Variants in HAS3 observed in about 807,000 individuals in gnomAD.
HAS3 encodes the protein hyaluronan synthase 3.
Under a neutral mutation model 50.3 loss-of-function variants are expected in HAS3, and 27 were observed. That is an observed-to-expected ratio of 0.54 (90% confidence interval 0.40 to 0.74). HAS3 has a LOEUF of 0.74. Among genes scored for constraint, HAS3 ranks in the 30% least tolerant of loss-of-function variants. The pLI is 0.00. For synonymous variants in HAS3, 339 were observed against 310.9 expected (o/e 1.09, Z -0.95); for missense variants, 517 against 742.8 (o/e 0.70, Z 3.53).
chr16:69,096,534 CAAAAAAAAAA>C, the HAS3 span, among the ~76,000 whole-genome samples: 91 of 35,340 alleles, frequency 2.6e-3, no homozygotes, highest in African/African-American at 5.6e-3. Flanking sequence ...GACTCTGTCT[CAAAAAAAAAA>C]AAAAAAAAAA....
chr16:69,109,999 A>G lies in HAS3; in HGVS notation c.604A>G (p.Lys202Glu). Residue 202 changes from lysine to glutamate, a missense_variant, in exon 2 of 4, where the codon AAG (lysine) becomes GAG (glutamate). Lys to Glu is a moderately conservative substitution (Grantham distance 56, BLOSUM62 1). Transcript: ENST00000569188. The surrounding 1 kb of genome is among the most constrained non-coding windows in gnomAD (Gnocchi z 5.3). ...GKREVMYTAF[K>E]ALGDSVDYIQ... is the part of the protein sequence containing the mutation. ...GCGCGAGGTCATGTACACGGCCTTCAAGGCCCTCGGCGATTCGGTGGACTA... is the reference window on the plus strand; with the variant it reads ...GCGCGAGGTCATGTACACGGCCTTCGAGGCCCTCGGCGATTCGGTGGACTA... The G allele has an allele frequency of 2.5e-6, 4 of 1,611,122 alleles. 1 individual carries two copies. Among genetic ancestry groups the G allele is most frequent in the Non-Finnish European group, 3.4e-6 (4 of 1,177,724 alleles).
At chr16:69,103,443 T>C (rs941119233), upstream of HAS3, among the ~76,000 whole-genome samples, 18 of 152,176 alleles carry the variant, frequency 1.2e-4, no homozygotes, top group Admixed American at 9.8e-4. Flanking sequence ...TTGCCTAGGC[T>C]GGAATGCAGT....
intron 2 of HAS3, among the ~76,000 whole-genome samples, chr16:69,111,552 T>A (rs1333128424): frequency 6.6e-6 from 1 of 152,226 alleles, no homozygotes; most frequent in Non-Finnish European, 1.5e-5. Flanking sequence ...AGTCCCCTAA[T>A]ACGATTTTTC....
At chr16:69,103,459 G>A (rs1442862786), upstream of HAS3, among the ~76,000 whole-genome samples, 2 of 152,106 alleles carry the variant, frequency 1.3e-5, no homozygotes, top group African/African-American at 2.4e-5. Flanking sequence ...GCAGTGGCAC[G>A]ATCTCGGCTC....
chr16:69,110,921 TGA>T (rs752033206), intron 2 of HAS3, among the ~76,000 whole-genome samples: 2 of 152,062 alleles, frequency 1.3e-5, no homozygotes, highest in African/African-American at 2.4e-5. Flanking sequence ...GTCTGGGCGG[TGA>T]GAGACACAGG....
At chr16:69,087,642 C>T in the HAS3 span, among the ~76,000 whole-genome samples, 2 of 150,760 alleles carry the variant, frequency 1.3e-5, no homozygotes, top group Non-Finnish European at 2.9e-5. Flanking sequence ...TCATGATCCA[C>T]CTGCCTTGGC....
chr16:69,109,588 C>G lies in HAS3; in HGVS notation c.193C>G (p.Leu65Val), dbSNP rs1960923690. 1.2e-6 allele frequency: 2 copies of G among 1,613,226 alleles called. No individual in the cohort carries two copies. The highest frequency in any genetic ancestry group is 1.7e-6 in the Non-Finnish European group (2 of 1,180,000). The change falls in exon 2 of 4, where the codon CTG becomes GTG. Residue 65 changes from leucine (L) to valine (V), a missense_variant. By Grantham distance (32) the Leu-to-Val change is conservative. Transcript: ENST00000569188. The surrounding 1 kb of genome is among the most constrained non-coding windows in gnomAD (Gnocchi z 5.3). The part of the protein sequence containing the change: ...HLLIQSLFAF[L>V]EHRRMRRAGQ... ...GCTCATTCAGAGCCTTTTTGCCTTC[C>G]TGGAGCACCGGCGCATGCGACGTGC...
At chr16:69,118,552 CAAGAAACTAGT>C (rs984374134), downstream of HAS3, 1 of 821,968 alleles carries the variant, frequency 1.2e-6, no homozygotes. Flanking sequence ...AAGAACAATT[CAAGAAACTAGT>C]AAGAAACAAT....
rs745317118 is a variant in HAS3 at position 69,109,488 on chromosome 16, G to A, written c.93G>A (p.Thr31=). 9.6e-5 allele frequency: 155 copies of A among 1,613,782 alleles called. 1 individual carries two copies. The South Asian group carries it at 1.4e-3, about 15-fold the overall frequency. ...VLGGILAAYV[T]GYQFIHTEKH... ...GTGGCATCCTGGCAGCCTATGTGAC[G>A]GGCTACCAGTTCATCCACACGGAAA... The change falls in exon 2 of 4, where the codon ACG becomes ACA. Residue 31 remains threonine (T), a synonymous_variant. Transcript: ENST00000569188. The surrounding 1 kb of genome is among the most constrained non-coding windows in gnomAD (Gnocchi z 5.3).
upstream of HAS3, among the ~76,000 whole-genome samples, chr16:69,104,399 C>T (rs760234885): frequency 7.3e-5 from 11 of 151,688 alleles, no homozygotes; most frequent in Non-Finnish European, 1.5e-4. Context: ...TGGGTTTAAG[C>T]GATTCTTCTG....
At chr16:69,085,366 C>T in the HAS3 span, among the ~76,000 whole-genome samples, 479 of 152,214 alleles carry the variant, frequency 3.1e-3, 4 homozygotes, top group African/African-American at 0.011. Context: ...CATCCTAGTA[C>T]CTTTATCTCT....
Position 69,116,328 on chromosome 16 carries a change from G to A in HAS3, c.*1062G>A, listed in dbSNP as rs898392878. 2.4e-5 allele frequency: 24 copies of A among 985,742 alleles called. No individual in the cohort carries two copies. Among genetic ancestry groups the A allele is most frequent in the African/African-American group, 1.4e-4 (8 of 57,250 alleles). The allele number at this position is 985,742 out of a possible 1,614,324, so 61.1% of individuals were successfully genotyped here. The stretch of plus-strand genomic sequence containing the variant: ...ATAGAAGCTTCAGCAGGAGGCAAGC[G>A]TGTTCTCAGCACATATGGGAACTAT... On this transcript the variant is annotated 3_prime_UTR_variant, in exon 4 of 4. Coordinates refer to ENST00000569188, the MANE Select transcript of HAS3 (RefSeq NM_001199280.2).
At chr16:69,086,618 A>G in the HAS3 span, among the ~76,000 whole-genome samples, 2 of 151,874 alleles carry the variant, frequency 1.3e-5, no homozygotes, top group Admixed American at 1.3e-4. Flanking sequence ...TAAAAGCACA[A>G]AAACGGCCGG....
chr16:69,101,957 T>G (rs530334243), upstream of HAS3, among the ~76,000 whole-genome samples: 1 of 152,258 alleles, frequency 6.6e-6, no homozygotes, highest in African/African-American at 2.4e-5. Flanking sequence ...GCTAATTTTT[T>G]GTATCTTTAG....
At chr16:69,084,112 G>GC in the HAS3 span, 1 of 153,182 alleles carries the variant, frequency 6.5e-6, no homozygotes, top group Non-Finnish European at 1.5e-5. Flanking sequence ...ACCCTTGGCT[G>GC]CTCAAGAGGC....
Position 69,107,576 on chromosome 16 carries a change from G to A in HAS3, c.-1+1789G>A. Reference sequence around the variant, plus strand: ...CGGCTGCTTTGACCTGGTGGGCGCCGCCTCCGGCACTGCACCGAGGCGGGG... The same window carrying A: ...CGGCTGCTTTGACCTGGTGGGCGCCACCTCCGGCACTGCACCGAGGCGGGG... On this transcript the variant is annotated intron_variant, in intron 1 of 3. Coordinates refer to ENST00000569188, the MANE Select transcript of HAS3 (RefSeq NM_001199280.2). This position sits in a 1 kb window ranked among gnomAD's most constrained non-coding sequence, Gnocchi z 5.5. 1.0e-6 allele frequency: 1 copy of A among 985,470 alleles called. No individual in the cohort carries two copies. The highest frequency in any genetic ancestry group is 1.2e-6 in the Non-Finnish European group (1 of 829,972). 61.0% of individuals were successfully genotyped at this position (985,470 alleles called of 1,614,324 possible).
At chr16:69,089,366 A>G in the HAS3 span, among the ~76,000 whole-genome samples, 1 of 152,186 alleles carries the variant, frequency 6.6e-6, no homozygotes, top group Non-Finnish European at 1.5e-5. Context: ...TGGCAAAGGG[A>G]GAGAGTCAGA....
Position 69,107,965 on chromosome 16 carries a change from G to A in HAS3, c.1-1431G>A, listed in dbSNP as rs1405064192. Among the ~76,000 whole-genome samples, 2 of 152,248 alleles carry A rather than the reference G, an allele frequency of 1.3e-5. No individual in the cohort carries two copies. Among genetic ancestry groups the A allele is most frequent in the Non-Finnish European group, 2.9e-5 (2 of 68,030 alleles). ...AGGTCGATTTAGGCAGTGACTGCGT[G>A]TTCTTCGTCCCTTCTACGTGAGAGG... On this transcript the variant is annotated intron_variant, in intron 1 of 3. Transcript: ENST00000569188. This position sits in a 1 kb window ranked among gnomAD's most constrained non-coding sequence, Gnocchi z 5.5.
In HAS3 at chr16:69,109,130, G is replaced by A. The variant is rs964941509; in HGVS notation, c.1-266G>A. 7.2e-5 allele frequency among the ~76,000 whole-genome samples: 11 copies of A among 152,270 alleles called. No homozygotes were observed. Among genetic ancestry groups the A allele is most frequent in the South Asian group, 2.1e-4 (1 of 4,828 alleles). On this transcript the variant is annotated intron_variant, in intron 1 of 3. Coordinates refer to ENST00000569188, the MANE Select transcript of HAS3 (RefSeq NM_001199280.2). The surrounding 1 kb of genome is among the most constrained non-coding windows in gnomAD (Gnocchi z 5.3). ...CTACACTAAGGGCTTTGTATGTGTC[G>A]CCCATTTAACCCTCAAAGATGCCTT...
Sources: gnomAD v4.1 joint callset for allele counts (sites outside exome capture counted in the v4.1 genomes callset) on GRCh38, gnomAD v4.1.1 for gene constraint, Gnocchi (gnomAD v3.1) non-coding constraint, MANE v1.5 for transcripts, NCBI Gene and HGNC (gene_info 2026-07-23, HGNC 2026-07-21) for gene names.